Variants in FAM135B observed in about 807,000 individuals in gnomAD.
FAM135B encodes family with sequence similarity 135 member B, also known as protein FAM135B.
FAM135B carries 43 observed loss-of-function variants against 127.7 expected under a neutral mutation model. The observed-to-expected ratio is 0.34, with a 90% CI of 0.26 to 0.43. The LOEUF (loss-of-function observed/expected upper bound fraction) is 0.43, where lower values mean the gene tolerates loss of function less well. FAM135B is among the 20% of genes least tolerant of loss of function. The pLI, the probability that FAM135B is intolerant of heterozygous loss-of-function variation, is 1.00. For missense variants in FAM135B, 1,558 were observed against 1,725.6 expected, an observed-to-expected ratio of 0.90 and a Z score of 1.72; for synonymous variants, 670 against 665.1, an observed-to-expected ratio of 1.01 and a Z score of -0.11.
At chr8:138,136,635 G>A (rs113869590) in intron 19 of FAM135B, among the ~76,000 whole-genome samples, 570 of 152,226 alleles carry the variant, frequency 3.7e-3, no homozygotes, top group African/African-American at 0.01. Flanking sequence ...AACCACAAAT[G>A]CCAGCCCACA....
intron 11 of FAM135B, among the ~76,000 whole-genome samples, chr8:138,171,091 C>A (rs1436030725): frequency 6.6e-6 from 1 of 152,166 alleles, no homozygotes; most frequent in East Asian, 1.9e-4. Flanking sequence ...GCTGCCAGCT[C>A]CCTTGGTCCT....
chr8:138,180,679 A>T (rs948228445), intron 9 of FAM135B, among the ~76,000 whole-genome samples: 2 of 152,180 alleles, frequency 1.3e-5, no homozygotes, highest in Non-Finnish European at 2.9e-5. Flanking sequence ...AGGTTCTGTA[A>T]ATGTTGCATA....
Position 138,202,125 on chromosome 8 carries a change from C to CAAAAA in FAM135B, c.670-4461_670-4457dup, listed in dbSNP as rs60386806. 2.4e-5 allele frequency among the ~76,000 whole-genome samples: 2 copies of CAAAAA among 84,150 alleles called. 1 individual carries two copies. The highest frequency in any genetic ancestry group is 4.3e-5 in the Non-Finnish European group (2 of 46,182). 55.2% of individuals were successfully genotyped at this position (84,150 alleles called of 152,430 possible). A position where few individuals can be genotyped will look rare whatever the true frequency, so the allele number is the denominator to read the frequency against. ...GGGCAACAAGAATGAAACTCTGTCT[C>CAAAAA]AAAAAAAAAAAAAAAGGCACCTCTC... On this transcript the variant is annotated intron_variant, in intron 7 of 19. Coordinates refer to ENST00000395297, the MANE Select transcript of FAM135B (RefSeq NM_015912.4).
Position 138,151,877 on chromosome 8 carries a change from C to T in FAM135B, c.2598G>A (p.Arg866=), listed in dbSNP as rs2130746643. ...TTTCAACACCTGGAGTGTTCTCAGT[C>T]CTGCCATCAGGAAGACAGTGTCCTT... ...DAQGHCLPDG[R]TENTPGVETK... The change falls in exon 13 of 20, where the codon AGG becomes AGA. Residue 866 remains arginine, a synonymous_variant. Coordinates refer to ENST00000395297, the MANE Select transcript of FAM135B (RefSeq NM_015912.4). 6.2e-7 allele frequency: 1 copy of T among 1,614,022 alleles called. No homozygotes were observed.
At chr8:138,441,932 G>A (rs1835794638) in intron 1 of FAM135B, 1 of 151,780 alleles carries the variant, frequency 6.6e-6, no homozygotes, top group South Asian at 2.1e-4. Flanking sequence ...AAATTTGGAA[G>A]GAAGGAGGAA....
chr8:138,363,442 G>A (rs1830557575), intron 2 of FAM135B, among the ~76,000 whole-genome samples: 1 of 152,088 alleles, frequency 6.6e-6, no homozygotes. Flanking sequence ...TCAAATTAAG[G>A]TCTGACCCCA....
At chr8:138,295,769 T>G (rs1380547534) in intron 3 of FAM135B, among the ~76,000 whole-genome samples, 2 of 152,184 alleles carry the variant, frequency 1.3e-5, no homozygotes, top group African/African-American at 4.8e-5. Context: ...AGATGAAATA[T>G]TAAGGAAAGA....
chr8:138,469,635 CAATT>C (rs1383040613), intron 1 of FAM135B, among the ~76,000 whole-genome samples: 2 of 152,158 alleles, frequency 1.3e-5, no homozygotes, highest in African/African-American at 4.8e-5. Context: ...AGAGATTCCT[CAATT>C]AATTATGTAA....
rs1402595395 is a variant in FAM135B at position 138,141,483 on chromosome 8, G to C, written c.3639-134C>G. 2.3e-6 allele frequency: 2 copies of C among 885,650 alleles called. No homozygotes were observed. The highest frequency in any genetic ancestry group is 3.6e-6 in the Non-Finnish European group (2 of 559,794). 54.9% of individuals were successfully genotyped at this position (885,650 alleles called of 1,614,324 possible). On this transcript the variant is annotated intron_variant, in intron 16 of 19. Coordinates refer to ENST00000395297, the MANE Select transcript of FAM135B (RefSeq NM_015912.4). The surrounding 1 kb of genome is among the most constrained non-coding windows in gnomAD (Gnocchi z 4.7). Reference sequence around the variant, plus strand: ...TAGGGGAACTGGCAAAGAGAACAGGGACTGCCAACTCAACCTCATCAGGTT... The same window carrying C: ...TAGGGGAACTGGCAAAGAGAACAGGCACTGCCAACTCAACCTCATCAGGTT...
At chr8:138,255,086 G>A (rs1273101504) in intron 5 of FAM135B, among the ~76,000 whole-genome samples, 1 of 145,864 alleles carries the variant, frequency 6.9e-6, no homozygotes, top group Non-Finnish European at 1.5e-5. Context: ...CTGGAGTGCA[G>A]TGGTACAATC....
At chr8:138,189,982 C>A (rs1351808247) in intron 9 of FAM135B, among the ~76,000 whole-genome samples, 1 of 152,174 alleles carries the variant, frequency 6.6e-6, no homozygotes, top group African/African-American at 2.4e-5. Flanking sequence ...AGCAGCACAA[C>A]CTTATCTGCA....
At chr8:138,265,265 A>G (rs1822826681) in intron 4 of FAM135B, among the ~76,000 whole-genome samples, 2 of 152,208 alleles carry the variant, frequency 1.3e-5, no homozygotes, top group South Asian at 4.2e-4. Flanking sequence ...GTTTGCTTAT[A>G]TATCTGTTTT....
intron 1 of FAM135B, among the ~76,000 whole-genome samples, chr8:138,485,449 A>G (rs1814948520): frequency 1.3e-5 from 2 of 152,234 alleles, no homozygotes; most frequent in Admixed American, 6.5e-5. Flanking sequence ...AAGTACATAC[A>G]CAGATCAGCC....
rs1330578130 is a variant in FAM135B, at chr8:138,151,819, T to C, written c.2656A>G (p.Ile886Val). The change falls in exon 13 of 20, where the codon ATA (isoleucine) becomes GTA (valine). Residue 886 changes from isoleucine to valine, a missense_variant. By Grantham distance (29) the Ile-to-Val change is conservative. Transcript: ENST00000395297. ...KGLNLKIPRVIALENPRTRSL... is the reference protein window; with the variant it reads ...KGLNLKIPRVVALENPRTRSL... ...CTGGTCCTGGGGTTTTCAAGTGCTA[T>C]GACGCGTGGTATTTTTAAATTAAGA... 3.7e-6 allele frequency: 6 copies of C among 1,614,036 alleles called. No individual in the cohort carries two copies. The African/African-American group carries it at 6.7e-5, about 18-fold the overall frequency.
intron 1 of FAM135B, among the ~76,000 whole-genome samples, chr8:138,377,338 G>A (rs1034601209): frequency 6.6e-6 from 1 of 152,226 alleles, no homozygotes; most frequent in Non-Finnish European, 1.5e-5. Context: ...TGTGAGAATA[G>A]AGAAGGGATC....
intron 1 of FAM135B, among the ~76,000 whole-genome samples, chr8:138,397,840 T>A (rs1294274083): frequency 6.6e-6 from 1 of 152,088 alleles, no homozygotes; most frequent in Non-Finnish European, 1.5e-5. Flanking sequence ...GGTGTCGCCA[T>A]CCCTTCCTTG....
chr8:138,169,488 C>T (rs1036551481), intron 11 of FAM135B, among the ~76,000 whole-genome samples: 3 of 151,812 alleles, frequency 2.0e-5, no homozygotes, highest in African/African-American at 7.3e-5. Context: ...GATTATTTAA[C>T]TCTTTAAATG....
chr8:138,212,099 T>C (rs1256827391), intron 7 of FAM135B, among the ~76,000 whole-genome samples: 1 of 151,926 alleles, frequency 6.6e-6, no homozygotes, highest in African/African-American at 2.4e-5. Flanking sequence ...GCAATAATAA[T>C]AGCAATTACC....
At chr8:138,459,742 C>T (rs1342830702) in intron 1 of FAM135B, among the ~76,000 whole-genome samples, 1 of 152,152 alleles carries the variant, frequency 6.6e-6, no homozygotes, top group Non-Finnish European at 1.5e-5. Flanking sequence ...AGCTCCTATA[C>T]TCAGAGAGCT....
Sources: gnomAD v4.1 joint callset for allele counts (sites outside exome capture counted in the v4.1 genomes callset) on GRCh38, gnomAD v4.1.1 for gene constraint, Gnocchi (gnomAD v3.1) non-coding constraint, MANE v1.5 for transcripts, NCBI Gene and HGNC (gene_info 2026-07-23, HGNC 2026-07-21) for gene names.